Variants in CCDC88C observed in about 807,000 individuals in gnomAD.
The protein encoded by CCDC88C is protein Daple.
CCDC88C carries 131 observed loss-of-function variants against 198.8 expected under a neutral mutation model. That is an observed-to-expected ratio of 0.66 (90% CI 0.57 to 0.76). The LOEUF is 0.76. Ranked by LOEUF, CCDC88C falls within the 30% of genes least tolerant of loss-of-function variation. CCDC88C has a pLI of 0.00. For synonymous variants in CCDC88C, 1,166 were observed against 1,114.7 expected, an observed-to-expected ratio of 1.05 and a Z score of -0.92; for missense variants, 2,553 against 2,631.6, an observed-to-expected ratio of 0.97 and a Z score of 0.65.
intron 25 of CCDC88C, 74 bp downstream of exon 25, chr14:91,289,031 G>T: frequency 8.0e-7 from 1 of 1,252,352 alleles, no homozygotes; most frequent in Non-Finnish European, 1.1e-6. Context: ...GCACACGTGT[G>T]CACAGCCACC....
Position 91,272,657 on chromosome 14 carries a change from G to A in CCDC88C, c.6055C>T (p.Gln2019Ter). The A allele has an allele frequency of 6.2e-7, 1 of 1,611,318 alleles. No homozygotes were observed. Among genetic ancestry groups the A allele is most frequent in the South Asian group, 1.1e-5 (1 of 91,036 alleles). Residue 2019 changes from glutamine to a stop codon, truncating the protein, a stop_gained, in exon 30 of 30, where the codon CAG (glutamine) becomes TAG (stop). Transcript: ENST00000389857. LOFTEE classifies it high-confidence loss of function. ...PASPEPGGDPQTVWYEYGCV is the reference protein window; with the variant it reads ...PASPEPGGDP ...CAGCCGTACTCATACCACACGGTCTGCGGATCCCCGCCGGGCTCCGGGGAG... is the reference window on the plus strand; with the variant it reads ...CAGCCGTACTCATACCACACGGTCTACGGATCCCCGCCGGGCTCCGGGGAG...
rs1028555743 is a variant in CCDC88C, at chr14:91,381,919, C to A, written c.271-22208G>T. ...CCACCTCCCTGCCTCCTTCTTGATG[C>A]CTTCCACGGTGTATTTTCTGAACAG... On this transcript the variant is annotated intron_variant, in intron 3 of 29. Transcript: ENST00000389857. The surrounding 1 kb of genome is among the most constrained non-coding windows in gnomAD (Gnocchi z 4.2). Among the ~76,000 whole-genome samples the A allele has an allele frequency of 6.6e-6, 1 of 152,176 alleles. No individual in the cohort carries two copies. Among genetic ancestry groups the A allele is most frequent in the Admixed American group, 6.5e-5 (1 of 15,278 alleles).
At chr14:91,349,443 C>T (rs1030665921) in intron 4 of CCDC88C, among the ~76,000 whole-genome samples, 2 of 152,214 alleles carry the variant, frequency 1.3e-5, no homozygotes, top group African/African-American at 4.8e-5. Context: ...TTTATGGTTA[C>T]ACTTACTCGA....
chr14:91,386,435 C>T (rs553029124), intron 3 of CCDC88C, among the ~76,000 whole-genome samples: 41 of 152,122 alleles, frequency 2.7e-4, no homozygotes, highest in East Asian at 9.7e-4. Flanking sequence ...CAGTCCGGCC[C>T]GGGAAACAAG....
chr14:91,317,936 C>T (rs989657031), intron 13 of CCDC88C, among the ~76,000 whole-genome samples: 1 of 152,244 alleles, frequency 6.6e-6, no homozygotes, highest in Admixed American at 6.5e-5. Context: ...CCCTGGTGAC[C>T]TGCCAGAAGG....
At chr14:91,309,568 A>C (rs2139795288) in intron 16 of CCDC88C, among the ~76,000 whole-genome samples, 1 of 151,016 alleles carries the variant, frequency 6.6e-6, no homozygotes, top group East Asian at 1.9e-4. Flanking sequence ...CGAAATCATA[A>C]TACTACACTC....
At chr14:91,394,363 C>T (rs977165457) in intron 3 of CCDC88C, among the ~76,000 whole-genome samples, 1 of 152,206 alleles carries the variant, frequency 6.6e-6, no homozygotes, top group Non-Finnish European at 1.5e-5. Flanking sequence ...TCTAAACAGT[C>T]AGGGTCTGGG....
In CCDC88C at chr14:91,304,106, C is replaced by T. The variant is rs568660476; in HGVS notation, c.3358-128G>A. The T allele has an allele frequency of 7.7e-4, 811 of 1,049,316 alleles. 3 individuals carry two copies. The highest frequency in any genetic ancestry group is 1.6e-3 in the Middle Eastern group (5 of 3,128). The allele number at this position is 1,049,316 out of a possible 1,614,324, so 65.0% of individuals were successfully genotyped here. ...CTCAGGGCAGAAGACCCAGAGGGTA[C>T]CCAGGATGGCTGTTCCAGAACTTAA... is the stretch of plus-strand genomic sequence containing the variant. On this transcript the variant is annotated intron_variant, in intron 19 of 29. Coordinates refer to ENST00000389857, the MANE Select transcript of CCDC88C (RefSeq NM_001080414.4).
chr14:91,404,830 T>A (rs991118216), intron 3 of CCDC88C, among the ~76,000 whole-genome samples: 1 of 151,722 alleles, frequency 6.6e-6, no homozygotes, highest in African/African-American at 2.4e-5. Flanking sequence ...CCAGGAGTGG[T>A]GGCAGGTGCC....
rs1478375338 is a variant in CCDC88C at position 91,308,503 on chromosome 14, C to A, written c.2865-11G>T. On this transcript the variant is annotated splice_polypyrimidine_tract_variant and intron_variant, in intron 16 of 29. Coordinates refer to ENST00000389857, the MANE Select transcript of CCDC88C (RefSeq NM_001080414.4). ...AAAATCTTGTATTTTCTGGAAAACACAAAGATACAATAGTATCACTTATCT... is the reference window on the plus strand; with the variant it reads ...AAAATCTTGTATTTTCTGGAAAACAAAAAGATACAATAGTATCACTTATCT... 37 of 1,613,238 alleles carry A rather than the reference C, an allele frequency of 2.3e-5. No homozygotes were observed. Among genetic ancestry groups the A allele is most frequent in the Non-Finnish European group, 3.1e-5 (36 of 1,179,622 alleles).
intron 3 of CCDC88C, chr14:91,378,946 A>G (rs1285822): frequency 1 from 152,330 of 152,334 alleles, 76,163 homozygotes; most frequent in Middle Eastern, 1. Flanking sequence ...GAAGGGCTGT[A>G]AAGTCCCAGG....
intron 25 of CCDC88C, among the ~76,000 whole-genome samples, chr14:91,287,636 C>CTTTTT (rs71120129): frequency 4.1e-4 from 31 of 75,656 alleles, no homozygotes; most frequent in Admixed American, 6.2e-4. Flanking sequence ...TGCACCAGGT[C>CTTTTT]TTTTTTTTTT....
At chr14:91,336,671 G>GGGCT (rs1893059317) in intron 10 of CCDC88C, among the ~76,000 whole-genome samples, 1 of 152,340 alleles carries the variant, frequency 6.6e-6, no homozygotes, top group South Asian at 2.1e-4. Context: ...GCCCAGGCAT[G>GGGCT]GGCTGGCTTT....
intron 3 of CCDC88C, among the ~76,000 whole-genome samples, chr14:91,382,661 G>C (rs1285014991): frequency 6.6e-6 from 1 of 152,164 alleles, no homozygotes; most frequent in African/African-American, 2.4e-5. Flanking sequence ...CTCAGCCCAA[G>C]AAGTAGGTAC....
chr14:91,406,012 A>G (rs1256835526), intron 3 of CCDC88C, among the ~76,000 whole-genome samples: 1 of 152,212 alleles, frequency 6.6e-6, no homozygotes, highest in African/African-American at 2.4e-5. Flanking sequence ...AAAAGGAGGG[A>G]GAGCAGGGAT....
At chr14:91,330,553 C>T (rs975915061) in intron 10 of CCDC88C, among the ~76,000 whole-genome samples, 9 of 152,296 alleles carry the variant, frequency 5.9e-5, no homozygotes, top group Middle Eastern at 3.4e-3. Context: ...CTTCAACACC[C>T]GCCTCCGGAC....
intron 3 of CCDC88C, among the ~76,000 whole-genome samples, chr14:91,375,248 T>C (rs1166368750): frequency 1.3e-5 from 2 of 152,062 alleles, no homozygotes; most frequent in East Asian, 3.9e-4. Flanking sequence ...AGGGTTAGCA[T>C]GCGCGCGTGT....
chr14:91,279,943 A>T (rs1890131378), intron 27 of CCDC88C: 1 of 152,252 alleles, frequency 6.6e-6, no homozygotes, highest in Non-Finnish European at 1.5e-5. Flanking sequence ...ATCAAGGTTT[A>T]TGGTGCTGAG....
At chr14:91,275,465 A>G (rs547889582) in intron 29 of CCDC88C, among the ~76,000 whole-genome samples, 1 of 151,968 alleles carries the variant, frequency 6.6e-6, no homozygotes, top group East Asian at 1.9e-4. Flanking sequence ...TGTTCAGTCC[A>G]TTAGACCAGC....
Sources: gnomAD v4.1 joint callset for allele counts (sites outside exome capture counted in the v4.1 genomes callset) on GRCh38, gnomAD v4.1.1 for gene constraint, Gnocchi (gnomAD v3.1) non-coding constraint, MANE v1.5 for transcripts, NCBI Gene and HGNC (gene_info 2026-07-23, HGNC 2026-07-21) for gene names.